The following FAM133A variants were observed in gnomAD, a reference collection of about 807,000 sequenced individuals.
FAM133A encodes the protein protein FAM133A.
For synonymous variants in FAM133A, 65 were observed against 58.6 expected (o/e 1.11, Z -0.50); for missense variants, 159 against 164.4 (o/e 0.97, Z 0.18).
chrX:93,685,089 C>T (rs1925424907), intron 2 of FAM133A, among the ~76,000 whole-genome samples: 1 of 111,839 alleles, frequency 8.9e-6, no homozygotes, highest in African/African-American at 3.2e-5. Context: ...GCAGTACTGT[C>T]CTGCTCTCCA....
chrX:93,697,167 T>TTATATATATATATATA lies in FAM133A; in HGVS notation c.-192-1221_-192-1206dup, dbSNP rs767010042. On this transcript the variant is annotated intron_variant, in intron 2 of 3. Coordinates refer to ENST00000683942, the MANE Select transcript of FAM133A (RefSeq NM_001171109.2). ...TGTATTTTTAATAAATATAGGCAAG[T>TTATATATATATATATA]TATATATATATATATATATATATAA... Among the ~76,000 whole-genome samples, 147 of 93,690 alleles carry TTATATATATATATATA rather than the reference T, an allele frequency of 1.6e-3. 3 individuals carry two copies. Among genetic ancestry groups the TTATATATATATATATA allele is most frequent in the African/African-American group, 5.8e-3 (136 of 23,604 alleles). 81.4% of individuals were successfully genotyped at this position (93,690 alleles called of 115,157 possible).
intron 2 of FAM133A, among the ~76,000 whole-genome samples, chrX:93,679,446 C>T (rs1022977179): frequency 1.1e-4 from 12 of 110,702 alleles, no homozygotes; most frequent in Non-Finnish European, 2.1e-4. Flanking sequence ...TTCTGAATTG[C>T]GTTTCTAGCA....
At chrX:93,684,577 C>A (rs75225451) in intron 2 of FAM133A, among the ~76,000 whole-genome samples, 1 of 110,828 alleles carries the variant, frequency 9.0e-6, no homozygotes, top group Non-Finnish European at 1.9e-5. Flanking sequence ...TTATTTGCTC[C>A]CATCTATATA....
chrX:93,709,379 C>T lies in FAM133A; in HGVS notation c.-41C>T, dbSNP rs755773424. Reference sequence around the variant, plus strand: ...TAAGGCGAGTATCTATCTTTGTTCTCCTTGGCAACTGAGAGTCTGCCCTTG... The same window carrying T: ...TAAGGCGAGTATCTATCTTTGTTCTTCTTGGCAACTGAGAGTCTGCCCTTG... On this transcript the variant is annotated 5_prime_UTR_variant, in exon 4 of 4. Transcript: ENST00000683942. 5.5e-6 allele frequency: 6 copies of T among 1,092,913 alleles called. No individual in the cohort carries two copies. In the East Asian group the frequency reaches 2.0e-4, roughly 36 times the overall value. 90.1% of individuals were successfully genotyped at this position (1,092,913 alleles called of 1,213,427 possible). A position where few individuals can be genotyped will look rare whatever the true frequency, so the allele number is the denominator to read the frequency against.
chrX:93,694,552 C>A (rs946937621), intron 2 of FAM133A, among the ~76,000 whole-genome samples: 1 of 111,058 alleles, frequency 9.0e-6, no homozygotes, highest in Non-Finnish European at 1.9e-5. Context: ...ACAAATAGAC[C>A]GTGATTATAA....
chrX:93,706,506 C>T (rs1449687351), intron 3 of FAM133A, among the ~76,000 whole-genome samples: 1 of 111,893 alleles, frequency 8.9e-6, no homozygotes, highest in Non-Finnish European at 1.9e-5. Context: ...GTATTTCTAA[C>T]TCAGATCACT....
intron 3 of FAM133A, among the ~76,000 whole-genome samples, chrX:93,699,343 A>G (rs746784594): frequency 3.6e-5 from 4 of 111,477 alleles, no homozygotes; most frequent in African/African-American, 6.5e-5. Context: ...CATTACCACT[A>G]TTCATACTGC....
chrX:93,683,348 A>G (rs1293989268), intron 2 of FAM133A, among the ~76,000 whole-genome samples: 2 of 111,880 alleles, frequency 1.8e-5, no homozygotes, highest in African/African-American at 6.5e-5. Context: ...TTATTTTAAT[A>G]AACAGTACTC....
At chrX:93,701,885 C>T (rs1484246872) in intron 3 of FAM133A, among the ~76,000 whole-genome samples, 1 of 110,999 alleles carries the variant, frequency 9.0e-6, no homozygotes, top group Non-Finnish European at 1.9e-5. Context: ...AGGGCCTTTA[C>T]GCTTTTTATT....
At chrX:93,708,841 T>C (rs1927221391) in intron 3 of FAM133A, among the ~76,000 whole-genome samples, 1 of 111,560 alleles carries the variant, frequency 9.0e-6, no homozygotes, top group Non-Finnish European at 1.9e-5. Flanking sequence ...AATATCAGGA[T>C]TTAGTAATGT....
At chrX:93,684,351 A>C (rs1457853152) in intron 2 of FAM133A, among the ~76,000 whole-genome samples, 1 of 111,948 alleles carries the variant, frequency 8.9e-6, no homozygotes, top group Non-Finnish European at 1.9e-5. Context: ...GTTCTGTTCT[A>C]TTGAACTACG....
chrX:93,710,074 A>G lies in FAM133A; in HGVS notation c.655A>G (p.Lys219Glu), dbSNP rs1209820089. The G allele has an allele frequency of 5.8e-6, 7 of 1,199,561 alleles. No individual in the cohort carries two copies. The South Asian group carries it at 1.3e-4, about 22-fold the overall frequency. The change falls in exon 4 of 4, where the codon AAG becomes GAG. Residue 219 changes from lysine to glutamate, a missense_variant. By Grantham distance (56) the Lys-to-Glu change is moderately conservative (BLOSUM62 1). Transcript: ENST00000683942. ...KRRCEEREQA[K>E]EKVKKKKKKQ... ...AAGGTGTGAAGAGCGAGAACAAGCA[A>G]AGGAAAAAGTAAAGAAGAAGAAGAA... is the stretch of plus-strand genomic sequence containing the variant.
intron 3 of FAM133A, among the ~76,000 whole-genome samples, chrX:93,707,199 A>G (rs994813416): frequency 6.2e-5 from 7 of 112,263 alleles, no homozygotes; most frequent in African/African-American, 2.3e-4. Flanking sequence ...TGGTCAAATC[A>G]GAGACACAAT....
rs1472380850 is a variant in FAM133A at position 93,711,035 on chromosome X, A to T, written c.*869A>T. On this transcript the variant is annotated 3_prime_UTR_variant, in exon 4 of 4. Coordinates refer to ENST00000683942, the MANE Select transcript of FAM133A (RefSeq NM_001171109.2). ...TATACTGTTAAGTTTTAATTATCTG[A>T]CCATATTCTATATAACTGATGATCC... is the stretch of plus-strand genomic sequence containing the variant. 1.6e-5 allele frequency: 2 copies of T among 122,974 alleles called. No individual in the cohort carries two copies. The highest frequency in any genetic ancestry group is 3.8e-5 in the Non-Finnish European group (2 of 53,221). The allele number at this position is 122,974 out of a possible 1,213,427, so 10.1% of individuals were successfully genotyped here.
chrX:93,684,469 C>A, intron 2 of FAM133A, among the ~76,000 whole-genome samples: 1 of 111,745 alleles, frequency 8.9e-6, no homozygotes. Context: ...GCATATCTGC[C>A]TTGGTAACTT....
At position 93,710,945 on chromosome X, in the gene FAM133A, A is replaced by C. The variant is rs1042080707; in HGVS notation, c.*779A>C. ...AACTTTATACCCATTTTGTATGGGA[A>C]CCATTCTAAACAGACCCTGATGTTG... On this transcript the variant is annotated 3_prime_UTR_variant, in exon 4 of 4. Coordinates refer to ENST00000683942, the MANE Select transcript of FAM133A (RefSeq NM_001171109.2). 6 of 123,290 alleles carry C rather than the reference A, an allele frequency of 4.9e-5. No homozygotes were observed. Among genetic ancestry groups the C allele is most frequent in the Non-Finnish European group, 1.1e-4 (6 of 53,244 alleles). 10.2% of individuals were successfully genotyped at this position (123,290 alleles called of 1,213,427 possible).
intron 2 of FAM133A, among the ~76,000 whole-genome samples, chrX:93,684,143 A>T (rs1179443182): frequency 1.8e-5 from 2 of 111,809 alleles, no homozygotes; most frequent in East Asian, 5.7e-4. Context: ...TGTGTCTTAC[A>T]TGTAAGTCTG....
intron 3 of FAM133A, among the ~76,000 whole-genome samples, chrX:93,706,620 C>G (rs1488312188): frequency 1.8e-5 from 2 of 111,425 alleles, no homozygotes; most frequent in East Asian, 5.7e-4. Context: ...AAACTAGAAC[C>G]TTTTCTCGAA....
At chrX:93,679,152 T>A (rs1338693327) in intron 2 of FAM133A, among the ~76,000 whole-genome samples, 12 of 111,310 alleles carry the variant, frequency 1.1e-4, no homozygotes, top group Non-Finnish European at 1.5e-4. Context: ...TCACTCCTGA[T>A]AAAGAGAGAC....
Sources: allele counts gnomAD v4.1 joint callset (sites outside exome capture counted in the v4.1 genomes callset), GRCh38; gene constraint gnomAD v4.1.1; transcripts MANE v1.5; gene names NCBI Gene and HGNC (gene_info 2026-07-23, HGNC 2026-07-21).